NUGGC: variants seen among roughly 807,000 people sequenced by gnomAD.
The protein encoded by NUGGC is nuclear GTPase, germinal center associated.
Under a neutral mutation model 92.6 loss-of-function variants are expected in NUGGC, and 58 were observed. The ratio of observed to expected loss-of-function variants is 0.63; its 90% confidence interval spans 0.51 to 0.78. NUGGC has a LOEUF of 0.78. Ranked by LOEUF, NUGGC falls within the 30% of genes least tolerant of loss-of-function variation. NUGGC has a pLI of 0.00. For missense variants in NUGGC, 925 were observed against 964.6 expected (o/e 0.96, Z 0.54); for synonymous variants, 376 against 366.4 (o/e 1.03, Z -0.30).
In NUGGC at chr8:28,069,589, G is replaced by A; in HGVS notation, c.212C>T (p.Ser71Phe). ...LSNTYQKLIQ[S>F]VFLDDSIPNG... ...AGGGATGCTGTCATCCAGGAAGACA[G>A]ACTGAATAAGTTTCTGATAAGTGTT... Residue 71 changes from serine to phenylalanine, a missense_variant, in exon 4 of 19, where the codon TCT becomes TTT. By Grantham distance (155) the Ser-to-Phe change is radical. Transcript: ENST00000413272. The A allele has an allele frequency of 6.2e-7, 1 of 1,611,226 alleles. No homozygotes were observed. The highest frequency in any genetic ancestry group is 8.5e-7 in the Non-Finnish European group (1 of 1,177,424).
chr8:28,038,451 G>A (rs73570978), intron 13 of NUGGC, among the ~76,000 whole-genome samples: 5,992 of 152,054 alleles, frequency 0.039, 400 homozygotes, highest in African/African-American at 0.14. Flanking sequence ...TTATCTTTAC[G>A]GCAACCCTAT....
At chr8:28,083,408 C>T (rs374133514) in intron 1 of NUGGC, among the ~76,000 whole-genome samples, 32 of 152,164 alleles carry the variant, frequency 2.1e-4, no homozygotes, top group African/African-American at 7.7e-4. Context: ...CTGCCATATT[C>T]ATCAAAAACA....
rs1390323579 is a variant in NUGGC, at chr8:28,068,331, T to C, written c.365A>G (p.Gln122Arg). 17 of 1,565,186 alleles carry C rather than the reference T, an allele frequency of 1.1e-5. No homozygotes were observed. The Middle Eastern group carries it at 1.1e-3, about 99-fold the overall frequency. Reference sequence around the variant, plus strand: ...AGACACTGGTAGAAACATTGCTTGCTGGATGATGGCATTGATCAGGGAGCT... The same window carrying C: ...AGACACTGGTAGAAACATTGCTTGCCGGATGATGGCATTGATCAGGGAGCT... ...GKSSLINAII[Q>R]QAMFLPVSGE... The change falls in exon 5 of 19, where the codon CAG becomes CGG. Residue 122 changes from glutamine to arginine, a missense_variant. Gln to Arg is a conservative substitution (Grantham distance 43, BLOSUM62 1). Transcript: ENST00000413272.
At chr8:28,073,041 C>G (rs1398886930) in intron 2 of NUGGC, among the ~76,000 whole-genome samples, 1 of 151,134 alleles carries the variant, frequency 6.6e-6, no homozygotes, top group African/African-American at 2.4e-5. Flanking sequence ...TCTCCACTCT[C>G]GCCCAGGCTG....
At chr8:28,025,638 C>T (rs889672593) in intron 18 of NUGGC, among the ~76,000 whole-genome samples, 4 of 47,222 alleles carry the variant, frequency 8.5e-5, no homozygotes, top group African/African-American at 1.4e-4. Context: ...CCCTGGAGTC[C>T]GTTAGATCAG....
chr8:28,031,151 G>A, intron 15 of NUGGC, 92 bp downstream of exon 15: 2 of 1,424,606 alleles, frequency 1.4e-6, no homozygotes, highest in South Asian at 1.2e-5. Context: ...ATACTCCAGG[G>A]AACAAGGGAA....
At chr8:28,067,904 AG>A (rs762093753) in intron 5 of NUGGC, among the ~76,000 whole-genome samples, 160 bp from the exon 6 acceptor site, 15 of 152,222 alleles carry the variant, frequency 9.9e-5, no homozygotes, top group Non-Finnish European at 1.8e-4. Context: ...GCTTGCCCAA[AG>A]TCTCATAAAA....
In NUGGC at chr8:28,060,516, T is replaced by C. The variant is rs763998057; in HGVS notation, c.1007A>G (p.Glu336Gly). 2.5e-6 allele frequency: 4 copies of C among 1,613,914 alleles called. No individual in the cohort carries two copies. The highest frequency in any genetic ancestry group is 3.4e-6 in the Non-Finnish European group (4 of 1,179,856). ...GGQAHEDLLN[E>G]SIKACQRGFC... ...GCCCCGCTGGCAGGCTTTGATGCTC[T>C]CATTCAGAAGGTCTTCGTGGGCTTG... The change falls in exon 8 of 19, where the codon GAG becomes GGG. Residue 336 changes from glutamate (E) to glycine (G), a missense_variant. By Grantham distance (98) the Glu-to-Gly change is moderately conservative. Transcript: ENST00000413272.
chr8:28,056,038 T>G lies in NUGGC; in HGVS notation c.1133A>C (p.Gln378Pro), dbSNP rs1301945721. 2.2e-5 allele frequency: 34 copies of G among 1,561,402 alleles called. No individual in the cohort carries two copies. The highest frequency in any genetic ancestry group is 2.8e-5 in the Non-Finnish European group (32 of 1,148,474). The stretch of plus-strand genomic sequence containing the variant: ...ATTTCTTTCTAAAACAGCCTCTCGC[T>G]GACTCTGAATAGCTTGCTAGGTTGT... The part of the protein sequence containing the change: ...RKAGNQAIQS[Q>P]REAVLERNEM... The change falls in exon 10 of 19, where the codon CAG becomes CCG. Residue 378 changes from glutamine to proline, a missense_variant. Coordinates refer to ENST00000413272, the MANE Select transcript of NUGGC (RefSeq NM_001010906.2).
chr8:28,072,578 G>C (rs1234985235), intron 2 of NUGGC, among the ~76,000 whole-genome samples: 1 of 152,112 alleles, frequency 6.6e-6, no homozygotes, highest in East Asian at 1.9e-4. Context: ...AACATTGTAA[G>C]GACTGGCAAC....
intron 13 of NUGGC, among the ~76,000 whole-genome samples, chr8:28,038,545 G>T (rs1809614215): frequency 2.0e-5 from 3 of 152,170 alleles, no homozygotes; most frequent in African/African-American, 7.2e-5. Context: ...CACATAGCTG[G>T]CAGATGGGGA....
rs1252604338 is a variant in NUGGC at position 28,070,356 on chromosome 8, AC to A, written c.44-1del. On this transcript the variant is annotated splice_acceptor_variant, in intron 2 of 18. Transcript: ENST00000413272. LOFTEE classifies it high-confidence loss of function. ...TCGTTCTTTATATAAATCATCTTCA[AC>A]TAGAGATAAACAGAGGATATATAAG... The A allele has an allele frequency of 7.0e-7, 1 of 1,429,636 alleles. No individual in the cohort carries two copies. Among genetic ancestry groups the A allele is most frequent in the East Asian group, 2.5e-5 (1 of 40,316 alleles). 88.6% of individuals were successfully genotyped at this position (1,429,636 alleles called of 1,614,324 possible). A position where few individuals can be genotyped will look rare whatever the true frequency, so the allele number is the denominator to read the frequency against.
chr8:28,033,533 C>A lies in NUGGC; in HGVS notation c.1769+7G>T, dbSNP rs1342405501. 6.2e-7 allele frequency: 1 copy of A among 1,612,050 alleles called. No homozygotes were observed. Among genetic ancestry groups the A allele is most frequent in the Non-Finnish European group, 8.5e-7 (1 of 1,179,278 alleles). On this transcript the variant is annotated splice_region_variant and intron_variant, in intron 14 of 18. Transcript: ENST00000413272. ...TTCCCGAAGGTGCAAGATGAGAGATCCTTTACCTAAAAATGCTTCCAAAAA... is the reference window on the plus strand; with the variant it reads ...TTCCCGAAGGTGCAAGATGAGAGATACTTTACCTAAAAATGCTTCCAAAAA...
intron 12 of NUGGC, among the ~76,000 whole-genome samples, chr8:28,042,530 G>T (rs1266022379): frequency 6.6e-6 from 1 of 152,158 alleles, no homozygotes; most frequent in Non-Finnish European, 1.5e-5. Flanking sequence ...TCCTTCCCAT[G>T]AGGCACCTTC....
chr8:28,031,554 A>G (rs1005473372), intron 14 of NUGGC, among the ~76,000 whole-genome samples, 173 bp from the exon 15 acceptor site: 6 of 152,238 alleles, frequency 3.9e-5, no homozygotes, highest in Non-Finnish European at 7.3e-5. Flanking sequence ...CCTTTGACAT[A>G]AAAACCTATG....
intron 10 of NUGGC, among the ~76,000 whole-genome samples, chr8:28,053,966 C>T (rs1810069820): frequency 6.6e-6 from 1 of 152,118 alleles, no homozygotes; most frequent in South Asian, 2.1e-4. Context: ...TTCCACGTTG[C>T]ACAACAGACA....
chr8:28,066,976 A>G (rs1810453772), intron 6 of NUGGC, among the ~76,000 whole-genome samples: 1 of 152,210 alleles, frequency 6.6e-6, no homozygotes, highest in African/African-American at 2.4e-5. Flanking sequence ...TTTCTGGGAA[A>G]GTTTTTACTT....
At chr8:28,066,441 A>G (rs1810443133) in intron 6 of NUGGC, among the ~76,000 whole-genome samples, 1 of 152,214 alleles carries the variant, frequency 6.6e-6, no homozygotes, top group Non-Finnish European at 1.5e-5. Flanking sequence ...CAAAAAGCCT[A>G]AGGAAATGTG....
chr8:28,066,933 C>T (rs1010270901), intron 6 of NUGGC, among the ~76,000 whole-genome samples: 2 of 152,162 alleles, frequency 1.3e-5, no homozygotes, highest in Non-Finnish European at 2.9e-5. Context: ...CAGTTCTGAA[C>T]TCTGAAATCT....
Sources: gnomAD v4.1 joint callset for allele counts (sites outside exome capture counted in the v4.1 genomes callset) on GRCh38, gnomAD v4.1.1 for gene constraint, MANE v1.5 for transcripts, NCBI Gene and HGNC (gene_info 2026-07-23, HGNC 2026-07-21) for gene names.